Variants in VRK1 observed in about 807,000 individuals in gnomAD.
VRK1 encodes the protein serine/threonine-protein kinase VRK1.
VRK1 carries 33 observed loss-of-function variants against 57.1 expected under a neutral mutation model. The ratio of observed to expected loss-of-function variants is 0.58; its 90% CI spans 0.44 to 0.77. The LOEUF (loss-of-function observed/expected upper bound fraction) is 0.77, where lower values mean the gene tolerates loss of function less well. Among genes scored for constraint, VRK1 ranks in the 30% least tolerant of loss-of-function variants. The pLI is 0.00. For synonymous variants in VRK1, 137 were observed against 147.8 expected, an observed-to-expected ratio of 0.93 and a Z score of 0.53; for missense variants, 413 against 477.3, an observed-to-expected ratio of 0.87 and a Z score of 1.25.
chr14:96,809,671 C>A (rs1886095884), intron 1 of VRK1, among the ~76,000 whole-genome samples: 1 of 150,362 alleles, frequency 6.7e-6, no homozygotes, highest in Non-Finnish European at 1.5e-5. Context: ...CTCCCAGGTT[C>A]AAGTGATTCT....
chr14:96,814,521 T>C (rs1169391097), intron 1 of VRK1, among the ~76,000 whole-genome samples: 3 of 152,170 alleles, frequency 2.0e-5, no homozygotes, highest in African/African-American at 7.2e-5. Flanking sequence ...AATTAATACA[T>C]GCACACAATA....
At chr14:96,814,223 A>T (rs1188475769) in intron 1 of VRK1, among the ~76,000 whole-genome samples, 1 of 152,214 alleles carries the variant, frequency 6.6e-6, no homozygotes, top group African/African-American at 2.4e-5. Context: ...AGACTGTAGT[A>T]CTTTAAAGAC....
At chr14:96,849,327 G>A (rs1173442348) in intron 5 of VRK1, among the ~76,000 whole-genome samples, 1 of 152,082 alleles carries the variant, frequency 6.6e-6, no homozygotes, top group Non-Finnish European at 1.5e-5. Context: ...CTAAGGAACA[G>A]TACATTATGA....
intron 1 of VRK1, among the ~76,000 whole-genome samples, chr14:96,811,096 AT>A (rs1270016156): frequency 6.6e-6 from 1 of 151,726 alleles, no homozygotes; most frequent in African/African-American, 2.4e-5. Flanking sequence ...CGCCCAGCTA[AT>A]TTTTTGAATT....
At chr14:96,840,858 C>CT (rs56081379) in intron 3 of VRK1, among the ~76,000 whole-genome samples, 30,432 of 143,388 alleles carry the variant, frequency 0.21, 3,570 homozygotes, top group Non-Finnish European at 0.27. Flanking sequence ...ATAACTTGAA[C>CT]TTTTTTTTTT....
intron 11 of VRK1, 112 bp from the exon 12 acceptor site, chr14:96,875,918 A>G (rs1889009038): frequency 6.2e-6 from 7 of 1,125,954 alleles, no homozygotes; most frequent in Non-Finnish European, 9.2e-6. Flanking sequence ...GTGTGTTTTG[A>G]CACACCCACA....
At chr14:96,864,623 A>G (rs1372440822) in intron 11 of VRK1, among the ~76,000 whole-genome samples, 1 of 152,112 alleles carries the variant, frequency 6.6e-6, no homozygotes, top group African/African-American at 2.4e-5. Flanking sequence ...GTCTGTACGT[A>G]CTGGGGTTGC....
At chr14:96,854,179 A>G (rs1336582532) in intron 7 of VRK1, among the ~76,000 whole-genome samples, 2 of 152,134 alleles carry the variant, frequency 1.3e-5, no homozygotes, top group African/African-American at 2.4e-5. Flanking sequence ...CTTTCTAGCC[A>G]TTTCTTTTTA....
rs1888014539 is a variant in VRK1 at position 96,853,068 on chromosome 14, TC to T, written c.484-5del. ...CATTAACTTATTCTGTATGATACTT[TC>T]ATAGCTGGATATTCTGGAATATATT... On this transcript the variant is annotated splice_polypyrimidine_tract_variant and splice_region_variant and intron_variant, in intron 6 of 12. Transcript: ENST00000216639. The T allele has an allele frequency of 6.2e-7, 1 of 1,613,556 alleles. No homozygotes were observed. The highest frequency in any genetic ancestry group is 1.3e-5 in the African/African-American group (1 of 74,918).
At chr14:96,866,559 G>A (rs111293243) in intron 11 of VRK1, among the ~76,000 whole-genome samples, 2,254 of 152,152 alleles carry the variant, frequency 0.015, 25 homozygotes, top group Middle Eastern at 0.048. Flanking sequence ...TTATTCTGCC[G>A]TCTTTCTCCA....
chr14:96,881,253 A>T lies in VRK1; in HGVS notation c.*45A>T, dbSNP rs1480828495. On this transcript the variant is annotated 3_prime_UTR_variant, in exon 13 of 13. Transcript: ENST00000216639. ...ATTTCCTTTTCTTTGTTTTCTTTTGACTTTTTTCTCCTTTTCTATTTGAAC... is the reference window on the plus strand; with the variant it reads ...ATTTCCTTTTCTTTGTTTTCTTTTGTCTTTTTTCTCCTTTTCTATTTGAAC... 2 of 1,543,474 alleles carry T rather than the reference A, an allele frequency of 1.3e-6. No homozygotes were observed. The highest frequency in any genetic ancestry group is 1.8e-6 in the Non-Finnish European group (2 of 1,132,150).
At chr14:96,823,196 T>C (rs755647219) in intron 1 of VRK1, among the ~76,000 whole-genome samples, 5 of 152,212 alleles carry the variant, frequency 3.3e-5, no homozygotes, top group Non-Finnish European at 7.3e-5. Flanking sequence ...TTCTGAAATA[T>C]TAGGTAACAT....
intron 12 of VRK1, chr14:96,877,529 A>T (rs1566722651): frequency 5.4e-6 from 7 of 1,289,504 alleles, no homozygotes; most frequent in African/African-American, 1.5e-5. Context: ...GGAGCAATAC[A>T]TCGAAGCATG....
At chr14:96,856,907 G>A (rs772863486) in intron 10 of VRK1, among the ~76,000 whole-genome samples, 8 of 152,178 alleles carry the variant, frequency 5.3e-5, no homozygotes, top group Non-Finnish European at 1.0e-4. Context: ...GGCGGAGGTT[G>A]CAGTGAGCCG....
intron 12 of VRK1, among the ~76,000 whole-genome samples, chr14:96,876,971 A>G (rs888492242): frequency 1.3e-5 from 2 of 152,080 alleles, no homozygotes; most frequent in Non-Finnish European, 2.9e-5. Flanking sequence ...AATGTGTTCC[A>G]GGATTCATGT....
chr14:96,851,905 T>C (rs568071839), intron 5 of VRK1, among the ~76,000 whole-genome samples: 1 of 152,382 alleles, frequency 6.6e-6, no homozygotes, highest in East Asian at 1.9e-4. Flanking sequence ...CTAGATGTTA[T>C]GGTGTTGATG....
chr14:96,827,852 A>G (rs971552943), intron 1 of VRK1, among the ~76,000 whole-genome samples: 1 of 152,196 alleles, frequency 6.6e-6, no homozygotes, highest in Non-Finnish European at 1.5e-5. Flanking sequence ...TTAATTTTAC[A>G]TAAATAAACA....
chr14:96,851,682 A>G (rs1014664041), intron 5 of VRK1, among the ~76,000 whole-genome samples: 11 of 152,178 alleles, frequency 7.2e-5, no homozygotes, highest in Non-Finnish European at 7.3e-5. Flanking sequence ...GGATTTTTGT[A>G]TCCTACTGAC....
In VRK1 at chr14:96,881,177, G is replaced by A. The variant is rs1420939606; in HGVS notation, c.1160G>A (p.Arg387His). Reference sequence around the variant, plus strand: ...TCAGTTTCTTTGATTTTTCTTCAAGGTTCAAGAACCAGAAAGAGAGTCCAG... The same window carrying A: ...TCAGTTTCTTTGATTTTTCTTCAAGATTCAAGAACCAGAAAGAGAGTCCAG... ...NTQTEEAIQT[R>H]SRTRKRVQK is the part of the protein sequence containing the mutation. Residue 387 changes from arginine to histidine, a missense_variant and splice_region_variant, in exon 13 of 13, where the codon CGT (arginine) becomes CAT (histidine). Around this residue, in one of 3 missense-constraint regions of VRK1, gnomAD observed 146 missense variants for 138.2 expected, o/e 1.06. Coordinates refer to ENST00000216639, the MANE Select transcript of VRK1 (RefSeq NM_003384.3). 3.6e-5 allele frequency: 58 copies of A among 1,605,040 alleles called. No homozygotes were observed. In the Admixed American group the frequency reaches 8.9e-4, roughly 25 times the overall value.
Sources: gnomAD v4.1 joint callset for allele counts (sites outside exome capture counted in the v4.1 genomes callset) on GRCh38, gnomAD v4.1.1 for gene constraint, gnomAD v4.1.1 regional missense constraint, MANE v1.5 for transcripts, NCBI Gene and HGNC (gene_info 2026-07-23, HGNC 2026-07-21) for gene names.